The following SAMD13 variants were observed in gnomAD, a reference collection of about 807,000 sequenced individuals.
SAMD13 encodes the protein sterile alpha motif domain-containing protein 13.
Under a neutral mutation model 12.4 loss-of-function variants are expected in SAMD13, and 9 were observed. That is an observed-to-expected ratio of 0.72 (90% CI 0.44 to 1.26). The LOEUF (loss-of-function observed/expected upper bound fraction) is 1.26, where lower values mean the gene tolerates loss of function less well. SAMD13 is among the 50% of genes most tolerant of loss of function. SAMD13 has a pLI of 0.00. For missense variants in SAMD13, 84 were observed against 119.6 expected (o/e 0.70, Z 1.39); for synonymous variants, 46 against 45.4 (o/e 1.01, Z -0.05).
At chr1:84,343,210 G>T (rs1318093990) in intron 3 of SAMD13, among the ~76,000 whole-genome samples, 2 of 152,204 alleles carry the variant, frequency 1.3e-5, no homozygotes, top group Non-Finnish European at 2.9e-5. Context: ...AACAACAGAT[G>T]CTGGCAAGGT....
chr1:84,322,801 C>T (rs532640433), intron 2 of SAMD13, among the ~76,000 whole-genome samples: 2 of 151,988 alleles, frequency 1.3e-5, no homozygotes, highest in African/African-American at 4.8e-5. Flanking sequence ...ACACTGCCAG[C>T]AGTTTTACAA....
intron 2 of SAMD13, among the ~76,000 whole-genome samples, chr1:84,323,555 G>A (rs920341521): frequency 3.3e-5 from 5 of 152,024 alleles, no homozygotes; most frequent in African/African-American, 1.2e-4. Flanking sequence ...AGAAATTAAC[G>A]ATCACATGTG....
chr1:84,311,344 A>AG (rs1426456358), intron 2 of SAMD13, among the ~76,000 whole-genome samples: 2 of 149,012 alleles, frequency 1.3e-5, no homozygotes, highest in African/African-American at 2.6e-5. Context: ...AAAAAAAAAA[A>AG]AAAAAAGAAA....
intron 3 of SAMD13, among the ~76,000 whole-genome samples, chr1:84,346,096 G>T (rs189378434): frequency 6.6e-6 from 1 of 152,272 alleles, no homozygotes; most frequent in Non-Finnish European, 1.5e-5. Flanking sequence ...AATACTTGCA[G>T]CAGTGAAACA....
rs371797772 is a variant in SAMD13, at chr1:84,323,046, A to G, written c.54-2591A>G. ...GAGGAAAGGCGACTAACTGAAGTCA[A>G]CCACAGGGAGATTGAATTCAGATGT... On this transcript the variant is annotated intron_variant, in intron 2 of 3. Transcript: ENST00000394834. Among the ~76,000 whole-genome samples, 6 of 152,186 alleles carry G rather than the reference A, an allele frequency of 3.9e-5. No individual in the cohort carries two copies. In the East Asian group the frequency reaches 1.2e-3, roughly 29 times the overall value.
chr1:84,337,699 A>G (rs1175654490), intron 3 of SAMD13, among the ~76,000 whole-genome samples: 1 of 152,186 alleles, frequency 6.6e-6, no homozygotes, highest in East Asian at 1.9e-4. Flanking sequence ...TTCATTACTT[A>G]TGCAGATTTC....
intron 2 of SAMD13, among the ~76,000 whole-genome samples, chr1:84,310,060 G>A (rs1228420978): frequency 6.6e-6 from 1 of 152,034 alleles, no homozygotes; most frequent in Admixed American, 6.5e-5. Context: ...AGTCAGTGCT[G>A]TCCAACAGAA....
chr1:84,298,868 C>T (rs1019598212), upstream of SAMD13, among the ~76,000 whole-genome samples: 1 of 152,084 alleles, frequency 6.6e-6, no homozygotes, highest in Admixed American at 6.5e-5. Flanking sequence ...ACCCCGAGAA[C>T]GCCACACCTC....
intron 2 of SAMD13, among the ~76,000 whole-genome samples, chr1:84,323,360 T>G (rs1193772022): frequency 6.6e-6 from 1 of 152,140 alleles, no homozygotes; most frequent in Non-Finnish European, 1.5e-5. Flanking sequence ...AACATTAGGG[T>G]GAAAAATAGT....
chr1:84,336,264 T>A (rs1679284992), intron 3 of SAMD13, among the ~76,000 whole-genome samples: 1 of 152,216 alleles, frequency 6.6e-6, no homozygotes, highest in Non-Finnish European at 1.5e-5. Context: ...TTTTTCTTTA[T>A]TTTTGTCTGA....
intron 2 of SAMD13, 65 bp downstream of exon 2, chr1:84,303,352 G>T: frequency 1.5e-6 from 2 of 1,366,342 alleles, no homozygotes; most frequent in Non-Finnish European, 2.1e-6. Flanking sequence ...TTCTATTTTC[G>T]TACTTCTTGC....
chr1:84,316,407 A>G (rs1678834146), intron 2 of SAMD13, among the ~76,000 whole-genome samples: 1 of 152,084 alleles, frequency 6.6e-6, no homozygotes, highest in African/African-American at 2.4e-5. Flanking sequence ...TGTATGGTAA[A>G]AGATAATCCA....
Position 84,349,873 on chromosome 1 carries a change from T to C in SAMD13, c.*99T>C, listed in dbSNP as rs537253974. ...TAAACAGAATACATACATGTGTATA[T>C]GTAAAGAATTTCAATCAAATGAAAC... On this transcript the variant is annotated 3_prime_UTR_variant, in exon 4 of 4. Transcript: ENST00000394834. The C allele has an allele frequency of 2.1e-5, 31 of 1,473,524 alleles. No individual in the cohort carries two copies. Among genetic ancestry groups the C allele is most frequent in the Non-Finnish European group, 2.6e-5 (29 of 1,114,100 alleles). 91.3% of individuals were successfully genotyped at this position (1,473,524 alleles called of 1,614,324 possible).
At chr1:84,330,881 A>T (rs1183076629) in intron 3 of SAMD13, among the ~76,000 whole-genome samples, 1 of 152,216 alleles carries the variant, frequency 6.6e-6, no homozygotes, top group East Asian at 1.9e-4. Context: ...TATCTCTGAG[A>T]TAATCATGAC....
At chr1:84,298,735 G>C (rs1678370137), upstream of SAMD13, among the ~76,000 whole-genome samples, 1 of 152,174 alleles carries the variant, frequency 6.6e-6, no homozygotes. Context: ...CACGGACGTG[G>C]GCTCTCACTG....
chr1:84,341,950 A>T (rs559278530), intron 3 of SAMD13, among the ~76,000 whole-genome samples: 1 of 152,206 alleles, frequency 6.6e-6, no homozygotes, highest in Non-Finnish European at 1.5e-5. Context: ...AGATAGTCCA[A>T]GGTAGCTGGT....
chr1:84,312,273 T>C (rs1488874866), intron 2 of SAMD13, among the ~76,000 whole-genome samples: 1 of 152,094 alleles, frequency 6.6e-6, no homozygotes, highest in Non-Finnish European at 1.5e-5. Context: ...TTTCTCTTGC[T>C]ATGTTCCAAC....
chr1:84,332,959 C>A (rs111600373), intron 3 of SAMD13, among the ~76,000 whole-genome samples: 12,747 of 152,132 alleles, frequency 0.084, 1,467 homozygotes, highest in African/African-American at 0.26. Context: ...CTAGCCAGTT[C>A]TCCCAGCACC....
intron 2 of SAMD13, among the ~76,000 whole-genome samples, chr1:84,311,088 C>A (rs773810203): frequency 1.3e-5 from 2 of 152,016 alleles, no homozygotes; most frequent in Non-Finnish European, 2.9e-5. Flanking sequence ...GTAATCCCAG[C>A]ACTTTGGGAG....
Sources: allele counts gnomAD v4.1 joint callset (sites outside exome capture counted in the v4.1 genomes callset), GRCh38; gene constraint gnomAD v4.1.1; transcripts MANE v1.5; gene names NCBI Gene and HGNC (gene_info 2026-07-23, HGNC 2026-07-21).